PPP2R2B: variants seen among roughly 807,000 people sequenced by gnomAD.
PPP2R2B encodes serine/threonine-protein phosphatase 2A 55 kDa regulatory subunit B beta isoform.
Under a neutral mutation model 46.0 loss-of-function variants are expected in PPP2R2B, and 5 were observed. The ratio of observed to expected loss-of-function variants is 0.11; its 90% CI spans 0.06 to 0.23. PPP2R2B has a LOEUF of 0.23. PPP2R2B is among the 10% of genes least tolerant of loss of function. The pLI is 1.00. For synonymous variants in PPP2R2B, 215 were observed against 206.7 expected (o/e 1.04, Z -0.34); for missense variants, 367 against 575.0 (o/e 0.64, Z 3.70).
intron 7 of PPP2R2B, among the ~76,000 whole-genome samples, chr5:146,605,476 A>T (rs537321343): frequency 6.6e-6 from 1 of 152,342 alleles, no homozygotes; most frequent in East Asian, 1.9e-4. Context: ...TATGTCAGGC[A>T]TTCCAGATTC....
intron 2 of PPP2R2B, among the ~76,000 whole-genome samples, chr5:146,770,988 C>T (rs921948633): frequency 5.9e-5 from 9 of 152,122 alleles, no homozygotes; most frequent in African/African-American, 2.2e-4. Context: ...CATGATGGGC[C>T]ATCCATGCTC....
intron 1 of PPP2R2B, among the ~76,000 whole-genome samples, chr5:147,018,705 C>A (rs1270574055): frequency 1.3e-5 from 2 of 152,026 alleles, no homozygotes; most frequent in Non-Finnish European, 2.9e-5. Flanking sequence ...TGTCATGGGA[C>A]CCCTTGCAGG....
intron 1 of PPP2R2B, among the ~76,000 whole-genome samples, chr5:146,932,247 C>T (rs1763992667): frequency 6.6e-6 from 1 of 152,186 alleles, no homozygotes; most frequent in African/African-American, 2.4e-5. Flanking sequence ...GCCTGTCCCT[C>T]AGCTTTCTAT....
intron 2 of PPP2R2B, among the ~76,000 whole-genome samples, chr5:146,874,391 T>A (rs1190350042): frequency 6.6e-6 from 1 of 152,214 alleles, no homozygotes; most frequent in Admixed American, 6.5e-5. Context: ...ACAAGACAGT[T>A]TTTTAAAAAG....
chr5:146,882,530 T>C (rs1010628687), upstream of PPP2R2B, among the ~76,000 whole-genome samples: 1 of 152,184 alleles, frequency 6.6e-6, no homozygotes, highest in Non-Finnish European at 1.5e-5. Context: ...TATCTATAAA[T>C]TAGGAAAATG....
At chr5:146,864,830 G>A (rs920559156) in intron 2 of PPP2R2B, among the ~76,000 whole-genome samples, 1 of 152,136 alleles carries the variant, frequency 6.6e-6, no homozygotes. Flanking sequence ...AAGTTTCCTA[G>A]GATAAACTTA....
At chr5:146,843,873 C>T (rs1278034930) in intron 2 of PPP2R2B, among the ~76,000 whole-genome samples, 1 of 151,674 alleles carries the variant, frequency 6.6e-6, no homozygotes, top group Non-Finnish European at 1.5e-5. Context: ...GGGTTGGTTC[C>T]AAGTCTTTGT....
At chr5:146,901,055 C>T (rs1177487088) in intron 1 of PPP2R2B, among the ~76,000 whole-genome samples, 1 of 152,018 alleles carries the variant, frequency 6.6e-6, no homozygotes, top group East Asian at 1.9e-4. Flanking sequence ...GGGTTCATTC[C>T]ATGTCTTTGC....
chr5:146,765,636 C>T (rs1035298986), intron 2 of PPP2R2B, among the ~76,000 whole-genome samples: 8 of 152,218 alleles, frequency 5.3e-5, no homozygotes, highest in Non-Finnish European at 7.4e-5. Context: ...ACATCTACTA[C>T]ACTGGCTCAA....
intron 2 of PPP2R2B, among the ~76,000 whole-genome samples, chr5:146,869,174 G>A (rs546279797): frequency 6.6e-6 from 1 of 152,218 alleles, no homozygotes; most frequent in South Asian, 2.1e-4. Context: ...AGGAAATTCA[G>A]GTTCTTGGTT....
At chr5:146,822,534 G>GTTTTTTTTTTTTTT (rs1561935089) in intron 2 of PPP2R2B, among the ~76,000 whole-genome samples, 2 of 133,924 alleles carry the variant, frequency 1.5e-5, no homozygotes. Context: ...CTTCATTTTT[G>GTTTTTTTTTTTTTT]GTTTTTTTTT....
chr5:146,907,423 A>G (rs1439525461), intron 1 of PPP2R2B, among the ~76,000 whole-genome samples: 1 of 152,232 alleles, frequency 6.6e-6, no homozygotes, highest in Non-Finnish European at 1.5e-5. Flanking sequence ...AGTTCAGCTT[A>G]TATTCCTATT....
At chr5:146,915,633 A>T (rs1763359307) in intron 1 of PPP2R2B, among the ~76,000 whole-genome samples, 1 of 152,184 alleles carries the variant, frequency 6.6e-6, no homozygotes, top group South Asian at 2.1e-4. Context: ...GCAGAGTTAG[A>T]GAAAGAAACA....
intron 2 of PPP2R2B, among the ~76,000 whole-genome samples, chr5:146,794,813 A>G (rs1756421701): frequency 1.3e-5 from 2 of 152,154 alleles, no homozygotes; most frequent in Non-Finnish European, 2.9e-5. Flanking sequence ...TAATCATATT[A>G]ATATGGTGCA....
intron 2 of PPP2R2B, among the ~76,000 whole-genome samples, chr5:146,795,952 T>C (rs1756504938): frequency 6.6e-6 from 1 of 152,174 alleles, no homozygotes; most frequent in South Asian, 2.1e-4. Flanking sequence ...CATTTTTATC[T>C]ATGCTCAACT....
At chr5:146,887,653 T>G (rs1435266852) in intron 1 of PPP2R2B, among the ~76,000 whole-genome samples, 3 of 152,198 alleles carry the variant, frequency 2.0e-5, no homozygotes, top group African/African-American at 7.2e-5. Flanking sequence ...GATATATAAT[T>G]CCATCACTGT....
chr5:146,883,481 A>C (rs1762232066), upstream of PPP2R2B, among the ~76,000 whole-genome samples: 1 of 152,216 alleles, frequency 6.6e-6, no homozygotes, highest in African/African-American at 2.4e-5. Flanking sequence ...AACTGGATAC[A>C]TGAAATTTTA....
chr5:146,698,279 G>A (rs1779301153), intron 3 of PPP2R2B, 135 bp from the exon 4 acceptor site: 2 of 195,850 alleles, frequency 1.0e-5, no homozygotes, highest in Non-Finnish European at 1.8e-5. Context: ...GCAGGGCCAT[G>A]ATAGTCACTA....
intron 6 of PPP2R2B, among the ~76,000 whole-genome samples, chr5:146,649,888 T>C (rs1460648850): frequency 6.6e-6 from 1 of 152,154 alleles, no homozygotes; most frequent in Non-Finnish European, 1.5e-5. Context: ...CAAAGTTCTG[T>C]TTCTGGATGT....
Sources: allele counts gnomAD v4.1 joint callset (sites outside exome capture counted in the v4.1 genomes callset), GRCh38; gene constraint gnomAD v4.1.1; transcripts MANE v1.5; gene names NCBI Gene and HGNC (gene_info 2026-07-23, HGNC 2026-07-21).